DIDO1: variants seen among roughly 807,000 people sequenced by gnomAD.
DIDO1 encodes the protein death-inducer obliterator 1.
A neutral mutation model predicts 99.4 loss-of-function variants in DIDO1; 16 were observed. The observed-to-expected ratio is 0.16, with a 90% CI of 0.11 to 0.24. The LOEUF is 0.24. Ranked by LOEUF, DIDO1 falls within the 10% of genes least tolerant of loss-of-function variation. The pLI is 1.00. For missense variants in DIDO1, 2,996 were observed against 3,014.0 expected, an observed-to-expected ratio of 0.99 and a Z score of 0.14; for synonymous variants, 1,366 against 1,239.1, an observed-to-expected ratio of 1.10 and a Z score of -2.15.
intron 6 of DIDO1, chr20:62,905,546 G>C (rs745893459): frequency 1.3e-6 from 2 of 1,551,080 alleles, no homozygotes; most frequent in African/African-American, 1.4e-5. Flanking sequence ...GGCGTGCCGG[G>C]CAGTGTGGCT....
intron 6 of DIDO1, 114 bp from the exon 7 acceptor site, chr20:62,897,110 A>G (rs2064553951): frequency 1.1e-6 from 1 of 922,936 alleles, no homozygotes; most frequent in African/African-American, 1.7e-5. Context: ...GCATTACTGA[A>G]TAGGATACAC....
upstream of DIDO1, among the ~76,000 whole-genome samples, chr20:62,929,692 A>AAAAAATATATATAT: frequency 3.1e-5 from 2 of 63,708 alleles, no homozygotes; most frequent in African/African-American, 1.5e-4. Context: ...AAAAAGAAAA[A>AAAAAATATATATAT]GTGTATATAT....
Position 62,890,987 on chromosome 20 carries a change from A to G in DIDO1, c.3514T>C (p.Ser1172Pro), listed in dbSNP as rs1466353765. The change falls in exon 15 of 16, where the codon TCC becomes CCC. Residue 1172 changes from serine to proline, a missense_variant. Transcript: ENST00000395343. The stretch of plus-strand genomic sequence containing the variant: ...GGTCCCTCAAAGGGCAAGAGTTTGG[A>G]TGGAACAGGGTCCTGGGCGCTCAGC... ...IPLSAQDPVP[S>P]KLLPFEGPGL... The G allele has an allele frequency of 6.2e-7, 1 of 1,614,104 alleles. No individual in the cohort carries two copies. Among genetic ancestry groups the G allele is most frequent in the Non-Finnish European group, 8.5e-7 (1 of 1,180,024 alleles).
chr20:62,898,572 A>G (rs1833134959), intron 6 of DIDO1, among the ~76,000 whole-genome samples: 1 of 152,190 alleles, frequency 6.6e-6, no homozygotes, highest in African/African-American at 2.4e-5. Context: ...AGTAAAGGCA[A>G]ATCCTGTATT....
chr20:62,889,507 C>G (rs2064356372), intron 15 of DIDO1: 1 of 985,344 alleles, frequency 1.0e-6, no homozygotes, highest in Admixed American at 6.1e-5. Flanking sequence ...AAAAAGTGCT[C>G]TTTCCACCCC....
rs548621008 is a variant in DIDO1, at chr20:62,897,734, A to G, written c.1589-738T>C. On this transcript the variant is annotated intron_variant, in intron 6 of 15. Transcript: ENST00000395343. Reference sequence around the variant, plus strand: ...CCTCAACTTGCACAAAAAGCTTTCTATGTCAGTAGAGAATCAATCACCTTA... The same window carrying G: ...CCTCAACTTGCACAAAAAGCTTTCTGTGTCAGTAGAGAATCAATCACCTTA... 3.9e-5 allele frequency among the ~76,000 whole-genome samples: 6 copies of G among 152,368 alleles called. No individual in the cohort carries two copies. The South Asian group carries it at 8.3e-4, about 21-fold the overall frequency.
chr20:62,927,758 T>C (rs2065279128), upstream of DIDO1, among the ~76,000 whole-genome samples: 1 of 152,230 alleles, frequency 6.6e-6, no homozygotes, highest in African/African-American at 2.4e-5. Context: ...CAGGGTCTGC[T>C]AGTTTCTGAG....
rs141382263 is a variant in DIDO1 at position 62,899,634 on chromosome 20, T to C, written c.1589-2638A>G. Among the ~76,000 whole-genome samples, 463 of 152,334 alleles carry C rather than the reference T, an allele frequency of 3.0e-3. 1 individual carries two copies. Among genetic ancestry groups the C allele is most frequent in the African/African-American group, 0.011 (442 of 41,572 alleles). ...ATTTATTTTAAAAGCAGGAAATAGCTTTCCTTAACCATTGCTATTTTAGAA... is the reference window on the plus strand; with the variant it reads ...ATTTATTTTAAAAGCAGGAAATAGCCTTCCTTAACCATTGCTATTTTAGAA... On this transcript the variant is annotated intron_variant, in intron 6 of 15. Coordinates refer to ENST00000395343, the MANE Select transcript of DIDO1 (RefSeq NM_001193369.2).
Position 62,879,347 on chromosome 20 carries a change from C to A in DIDO1, c.6609G>T (p.Arg2203Ser). 1 of 1,552,964 alleles carries A rather than the reference C, an allele frequency of 6.4e-7. No individual in the cohort carries two copies. The highest frequency in any genetic ancestry group is 2.4e-5 in the East Asian group (1 of 41,246). The change falls in exon 16 of 16, where the codon AGG becomes AGT. Residue 2203 changes from arginine (R) to serine (S), a missense_variant. Arg to Ser is a moderately radical substitution (Grantham distance 110, BLOSUM62 -1). Coordinates refer to ENST00000395343, the MANE Select transcript of DIDO1 (RefSeq NM_001193369.2). The surrounding 1 kb of genome is among the most constrained non-coding windows in gnomAD (Gnocchi z 6.3). ...TGCGGTCGCGGCCCCGCTCCCTGTC[C>A]CTGGCCTTGTCTCGGTCCCGCTCTC... ...RSRERDRDKA[R>S]DRERGRDRKD...
chr20:62,926,256 T>C (rs572934178), intron 1 of DIDO1, among the ~76,000 whole-genome samples, 183 bp downstream of exon 1: 96 of 149,754 alleles, frequency 6.4e-4, no homozygotes, highest in Non-Finnish European at 1.2e-3. Context: ...CCCCGCCCGC[T>C]CGCCCGCCCG....
chr20:62,917,967 T>C (rs1601018820), intron 1 of DIDO1, among the ~76,000 whole-genome samples: 1 of 152,234 alleles, frequency 6.6e-6, no homozygotes, highest in Non-Finnish European at 1.5e-5. Context: ...TGTGGCAACA[T>C]GCCATTTCTA....
chr20:62,885,972 C>T (rs2064290701), intron 15 of DIDO1, among the ~76,000 whole-genome samples: 3 of 152,228 alleles, frequency 2.0e-5, no homozygotes, highest in African/African-American at 7.2e-5. Flanking sequence ...GGGCTGTTCC[C>T]AGGCTAGCCC....
rs1377882721 is a variant in DIDO1 at position 62,879,298 on chromosome 20, T to C, written c.6658A>G (p.Ser2220Gly). 1.3e-6 allele frequency: 2 copies of C among 1,579,094 alleles called. No homozygotes were observed. The highest frequency in any genetic ancestry group is 1.7e-6 in the Non-Finnish European group (2 of 1,164,904). The change falls in exon 16 of 16, where the codon AGC becomes GGC. Residue 2220 changes from serine to glycine, a missense_variant. Physicochemically the swap from Ser to Gly is moderately conservative, Grantham distance 56 (BLOSUM62 0). Around this residue, in one of 5 missense-constraint regions of DIDO1, gnomAD observed 1,562 missense variants for 1,412.6 expected, o/e 1.11. Coordinates refer to ENST00000395343, the MANE Select transcript of DIDO1 (RefSeq NM_001193369.2). This position sits in a 1 kb window ranked among gnomAD's most constrained non-coding sequence, Gnocchi z 6.3. ...DRKDRSKSKESARDPKPEASR... is the reference protein window; with the variant it reads ...DRKDRSKSKEGARDPKPEASR... ...GCCTCGGGCTTCGGGTCCCGAGCGC[T>C]CTCTTTGCTCTTGCTCCGGTCCTTG...
At chr20:62,903,812 C>T (rs1054403721) in intron 6 of DIDO1, among the ~76,000 whole-genome samples, 1 of 152,312 alleles carries the variant, frequency 6.6e-6, no homozygotes, top group South Asian at 2.1e-4. Context: ...CACCTCCTGT[C>T]CCTGGAGCAA....
chr20:62,910,843 G>A lies in DIDO1; in HGVS notation c.770C>T (p.Pro257Leu), dbSNP rs149450567. 825 of 1,614,100 alleles carry A rather than the reference G, an allele frequency of 5.1e-4. 11 individuals are homozygous for A. In the East Asian group the frequency reaches 0.012, roughly 23 times the overall value. The change falls in exon 3 of 16, where the codon CCG becomes CTG. Residue 257 changes from proline to leucine, a missense_variant. Coordinates refer to ENST00000395343, the MANE Select transcript of DIDO1 (RefSeq NM_001193369.2). ...KDEEPGDLGR[P>L]KPECEGYDPN... is the part of the protein sequence containing the mutation. ...GTCGTAACCCTCACATTCAGGCTTC[G>A]GTCGGCCCAAGTCTCCAGGCTCCTC...
At chr20:62,921,995 T>C (rs2065150175) in intron 1 of DIDO1, among the ~76,000 whole-genome samples, 1 of 150,216 alleles carries the variant, frequency 6.7e-6, no homozygotes, top group Non-Finnish European at 1.5e-5. Context: ...CCACAATATA[T>C]ATACACTATA....
intron 15 of DIDO1, 143 bp from the exon 16 acceptor site, chr20:62,882,557 A>T (rs1463183714): frequency 1.3e-5 from 11 of 849,770 alleles, no homozygotes; most frequent in Non-Finnish European, 1.9e-5. Flanking sequence ...TCAAGTGTCA[A>T]GACAGTTGCA....
In DIDO1 at chr20:62,879,928, G is replaced by C. The variant is rs752654172; in HGVS notation, c.6028C>G (p.His2010Asp). 7.5e-6 allele frequency: 12 copies of C among 1,595,982 alleles called. No homozygotes were observed. In the South Asian group the frequency reaches 1.3e-4, roughly 18 times the overall value. Residue 2010 changes from histidine to aspartate, a missense_variant, in exon 16 of 16, where the codon CAC becomes GAC. Coordinates refer to ENST00000395343, the MANE Select transcript of DIDO1 (RefSeq NM_001193369.2). The surrounding 1 kb of genome is among the most constrained non-coding windows in gnomAD (Gnocchi z 6.3). ...ACCTGCGGGGCCTGGCCCTGGAAGTGAAATCGCGAAGGGGTCTGCTCATTT... is the reference window on the plus strand; with the variant it reads ...ACCTGCGGGGCCTGGCCCTGGAAGTCAAATCGCGAAGGGGTCTGCTCATTT... ...EKNEQTPSRFHFQGQAPQVMK... is the reference protein window; with the variant it reads ...EKNEQTPSRFDFQGQAPQVMK...
chr20:62,885,471 G>GA (rs2064282640), intron 15 of DIDO1, among the ~76,000 whole-genome samples: 2 of 152,254 alleles, frequency 1.3e-5, no homozygotes, highest in South Asian at 2.1e-4. Context: ...GCTTGTTAAT[G>GA]AAAAAAATAA....
Sources: allele counts gnomAD v4.1 joint callset (sites outside exome capture counted in the v4.1 genomes callset), GRCh38; gene constraint gnomAD v4.1.1; regional missense constraint gnomAD v4.1.1; non-coding constraint Gnocchi (gnomAD v3.1); transcripts MANE v1.5; gene names NCBI Gene and HGNC (gene_info 2026-07-23, HGNC 2026-07-21).